The following SPTBN4 variants were observed in gnomAD, a reference collection of about 807,000 sequenced individuals.
The protein encoded by SPTBN4 is spectrin beta chain, non-erythrocytic 4.
In SPTBN4, 96 loss-of-function variants were observed where a neutral mutation model predicts 277.8. The observed-to-expected ratio is 0.35, with a 90% CI of 0.29 to 0.41. The LOEUF is 0.41. SPTBN4 is among the 10% of genes least tolerant of loss of function. SPTBN4 has a pLI of 1.00. For missense variants in SPTBN4, 3,006 were observed against 3,595.7 expected, an observed-to-expected ratio of 0.84 and a Z score of 4.19; for synonymous variants, 1,481 against 1,580.3, an observed-to-expected ratio of 0.94 and a Z score of 1.49.
At chr19:40,469,738 G>T (rs2079864387) in intron 1 of SPTBN4, among the ~76,000 whole-genome samples, 1 of 151,388 alleles carries the variant, frequency 6.6e-6, no homozygotes, top group Non-Finnish European at 1.5e-5. Context: ...CCGCCTCCTG[G>T]GTTCAAGCAA....
intron 2 of SPTBN4, among the ~76,000 whole-genome samples, chr19:40,486,785 G>A (rs530023912): frequency 1.3e-5 from 2 of 152,250 alleles, no homozygotes; most frequent in South Asian, 4.1e-4. Context: ...GTATTTATCC[G>A]TGTCCTCTCT....
In SPTBN4 at chr19:40,567,739, C is replaced by T. The variant is rs1329068083; in HGVS notation, c.6413C>T (p.Thr2138Met). 6.4e-7 allele frequency: 1 copy of T among 1,553,874 alleles called. No homozygotes were observed. The highest frequency in any genetic ancestry group is 2.5e-5 in the East Asian group (1 of 40,060). The change falls in exon 31 of 36, where the codon ACG becomes ATG. Residue 2138 changes from threonine (T) to methionine (M), a missense_variant. By Grantham distance (81) the Thr-to-Met change is moderately conservative. Transcript: ENST00000598249. Reference sequence around the variant, plus strand: ...GGGCGCAAGTTCTTTGGGGACCCCACGGAACTGGCGGCCAAGGCGGCGCCC... The same window carrying T: ...GGGCGCAAGTTCTTTGGGGACCCCATGGAACTGGCGGCCAAGGCGGCGCCC... The part of the protein sequence containing the change: ...LLGRKFFGDP[T>M]ELAAKAAPLL...
chr19:40,499,433 A>G (rs1235225530), intron 7 of SPTBN4, among the ~76,000 whole-genome samples: 2 of 152,150 alleles, frequency 1.3e-5, no homozygotes, highest in African/African-American at 4.8e-5. Context: ...TGTGTTGCCC[A>G]GGCTGGAGTG....
intron 27 of SPTBN4, among the ~76,000 whole-genome samples, chr19:40,562,077 T>C (rs1004080070): frequency 6.6e-6 from 1 of 151,796 alleles, no homozygotes; most frequent in Non-Finnish European, 1.5e-5. Flanking sequence ...TGTGGCCAGA[T>C]GGAGGGAGGG....
At chr19:40,498,403 T>TTATG (rs1466302492) in intron 7 of SPTBN4, among the ~76,000 whole-genome samples, 3 of 149,976 alleles carry the variant, frequency 2.0e-5, no homozygotes, top group Non-Finnish European at 4.4e-5. Flanking sequence ...ATTTATTTAT[T>TTATG]TATTTATTTA....
chr19:40,534,040 C>T, intron 19 of SPTBN4, 40 bp from the exon 20 acceptor site: 1 of 1,562,692 alleles, frequency 6.4e-7, no homozygotes, highest in South Asian at 1.2e-5. Context: ...CACCATCTAT[C>T]TATCTTCTCC....
intron 1 of SPTBN4, among the ~76,000 whole-genome samples, chr19:40,467,582 G>A (rs1034674512): frequency 2.0e-5 from 3 of 150,522 alleles, no homozygotes; most frequent in African/African-American, 7.3e-5. Context: ...AAGGGTTAAA[G>A]CCTCTGATGC....
chr19:40,513,620 T>A (rs1326519100), intron 14 of SPTBN4, 66 bp downstream of exon 14: 50 of 1,406,834 alleles, frequency 3.6e-5, no homozygotes, highest in Non-Finnish European at 4.6e-5. Flanking sequence ...CTTCATTGGC[T>A]CAACAGTTCC....
chr19:40,543,412 C>T (rs2080822651), intron 20 of SPTBN4, among the ~76,000 whole-genome samples: 3 of 152,144 alleles, frequency 2.0e-5, no homozygotes, highest in Admixed American at 2.0e-4. Flanking sequence ...CATGTGATTA[C>T]CCATGACTCT....
chr19:40,575,668 C>A lies in SPTBN4; in HGVS notation c.*99C>A. 1 of 1,405,236 alleles carries A rather than the reference C, an allele frequency of 7.1e-7. No individual in the cohort carries two copies. 87.0% of individuals were successfully genotyped at this position (1,405,236 alleles called of 1,614,324 possible). On this transcript the variant is annotated 3_prime_UTR_variant, in exon 36 of 36. Transcript: ENST00000598249. The stretch of plus-strand genomic sequence containing the variant: ...TCCGCAGGGGCGGGAGCCCCTAGTT[C>A]CAACACTGAGGACGCGTGACATGGT...
At chr19:40,476,273 A>T (rs1056062229) in intron 2 of SPTBN4, among the ~76,000 whole-genome samples, 1 of 150,024 alleles carries the variant, frequency 6.7e-6, no homozygotes, top group African/African-American at 2.5e-5. Context: ...TGAACCTCAG[A>T]GGCGGAGGTT....
At chr19:40,538,381 ACT>A (rs1288420119) in intron 20 of SPTBN4, among the ~76,000 whole-genome samples, 33 of 147,370 alleles carry the variant, frequency 2.2e-4, no homozygotes, top group African/African-American at 8.3e-4. Flanking sequence ...ACAGAGTGAG[ACT>A]CTGTCTCAAA....
rs781558433 is a variant in SPTBN4, at chr19:40,504,671, AAAAAAAAAC to A, written c.1665+555_1665+563del. On this transcript the variant is annotated intron_variant, in intron 12 of 35. Coordinates refer to ENST00000598249, the MANE Select transcript of SPTBN4 (RefSeq NM_020971.3). Reference sequence around the variant, plus strand: ...GCGACAGAGCGAGACTCCGTCTCAAAAAAAAAAACAAAAAAAACAAAAAACAATTAGCTG... The same window carrying A: ...GCGACAGAGCGAGACTCCGTCTCAAAAAAAAAAACAAAAAACAATTAGCTG... 3.0e-3 allele frequency among the ~76,000 whole-genome samples: 459 copies of A among 151,652 alleles called. 2 individuals carry two copies. The highest frequency in any genetic ancestry group is 4.5e-3 in the Non-Finnish European group (302 of 67,836).
At chr19:40,501,200 T>C (rs1405346389) in intron 7 of SPTBN4, among the ~76,000 whole-genome samples, 1 of 150,438 alleles carries the variant, frequency 6.6e-6, no homozygotes, top group Non-Finnish European at 1.5e-5. Flanking sequence ...ATTGCACCAC[T>C]GCACAATCAG....
At position 40,569,736 on chromosome 19, in the gene SPTBN4, G is replaced by A; in HGVS notation, c.7026+10G>A. ...AGGGCTGCCTGCTGGGGTAAGTTGA[G>A]CCTCGGATGGGTGGGGATAGGAGGA... On this transcript the variant is annotated intron_variant, in intron 32 of 35. Coordinates refer to ENST00000598249, the MANE Select transcript of SPTBN4 (RefSeq NM_020971.3). 2 of 1,607,400 alleles carry A rather than the reference G, an allele frequency of 1.2e-6. No individual in the cohort carries two copies.
intron 16 of SPTBN4, among the ~76,000 whole-genome samples, chr19:40,520,594 A>G (rs1487464382): frequency 2.0e-5 from 3 of 152,182 alleles, no homozygotes; most frequent in Non-Finnish European, 4.4e-5. Flanking sequence ...CTGAGGGGTT[A>G]TTGGAGTCAG....
chr19:40,523,866 C>T (rs191962354), intron 17 of SPTBN4, among the ~76,000 whole-genome samples: 63 of 152,210 alleles, frequency 4.1e-4, no homozygotes, highest in African/African-American at 1.5e-3. Flanking sequence ...TGCAGTAGCA[C>T]GATCTCGGCT....
In SPTBN4 at chr19:40,567,902, T is replaced by C. The variant is rs2081111905; in HGVS notation, c.6576T>C (p.Ile2192=). 2 of 1,523,284 alleles carry C rather than the reference T, an allele frequency of 1.3e-6. No homozygotes were observed. Among genetic ancestry groups the C allele is most frequent in the Non-Finnish European group, 1.8e-6 (2 of 1,138,448 alleles). 94.4% of individuals were successfully genotyped at this position (1,523,284 alleles called of 1,614,324 possible). Reference sequence around the variant, plus strand: ...AGCCCGAGCGCCTCCAGCCGCGCATTGACCGGCTGCCGGAGATCCCGGGGA... The same window carrying C: ...AGCCCGAGCGCCTCCAGCCGCGCATCGACCGGCTGCCGGAGATCCCGGGGA... The part of the protein sequence containing the change: ...ELKPERLQPR[I]DRLPEIPGRV... Residue 2192 remains isoleucine (I), a synonymous_variant, in exon 31 of 36, where the codon ATT becomes ATC. Coordinates refer to ENST00000598249, the MANE Select transcript of SPTBN4 (RefSeq NM_020971.3).
At chr19:40,503,782 G>A in intron 11 of SPTBN4, 48 bp from the exon 12 acceptor site, 1 of 1,536,816 alleles carries the variant, frequency 6.5e-7, no homozygotes, top group Non-Finnish European at 8.8e-7. Flanking sequence ...CAAGGTAACA[G>A]GTGGACTGCT....
Sources: gnomAD v4.1 joint callset for allele counts (sites outside exome capture counted in the v4.1 genomes callset) on GRCh38, gnomAD v4.1.1 for gene constraint, MANE v1.5 for transcripts, NCBI Gene and HGNC (gene_info 2026-07-23, HGNC 2026-07-21) for gene names.